The following ATM variants were observed in gnomAD, a reference collection of about 807,000 sequenced individuals.
ATM encodes serine-protein kinase ATM.
A neutral mutation model predicts 387.0 loss-of-function variants in ATM; 308 were observed. That is an observed-to-expected ratio of 0.80 (90% confidence interval 0.73 to 0.87). The LOEUF (loss-of-function observed/expected upper bound fraction) is 0.87. Ranked by LOEUF, ATM falls within the 40% of genes least tolerant of loss-of-function variation. ATM has a pLI of 0.00. For missense variants in ATM, 3,312 were observed against 3,560.9 expected, an observed-to-expected ratio of 0.93 and a Z score of 1.78; for synonymous variants, 1,156 against 1,187.3, an observed-to-expected ratio of 0.97 and a Z score of 0.54.
chr11:108,270,989 C>A, intron 18 of ATM, 75 bp from the exon 19 acceptor site: 1 of 1,280,608 alleles, frequency 7.8e-7, no homozygotes, highest in South Asian at 1.2e-5. Flanking sequence ...CCACTGCACC[C>A]GGCCTATGTT....
intron 9 of ATM, among the ~76,000 whole-genome samples, chr11:108,250,085 G>A (rs115981037): frequency 0.024 from 3,666 of 151,484 alleles, 148 homozygotes; most frequent in African/African-American, 0.083. Context: ...TAGAGGAATC[G>A]TTTGGTGACT....
chr11:108,358,999 G>A (rs1423367401), intron 61 of ATM, among the ~76,000 whole-genome samples: 2 of 151,520 alleles, frequency 1.3e-5, no homozygotes, highest in Non-Finnish European at 2.9e-5. Context: ...ACACAGACTG[G>A]CAAATTGGAT....
chr11:108,251,474 A>G (rs1167539631), intron 10 of ATM, among the ~76,000 whole-genome samples: 2 of 152,322 alleles, frequency 1.3e-5, no homozygotes, highest in South Asian at 2.1e-4. Flanking sequence ...TTGGAAATGT[A>G]CAATAGATTA....
At chr11:108,343,530 T>C (rs1384188698) in intron 57 of ATM, among the ~76,000 whole-genome samples, 159 bp downstream of exon 57, 1 of 152,188 alleles carries the variant, frequency 6.6e-6, no homozygotes, top group Non-Finnish European at 1.5e-5. Context: ...TGAAAGTGTG[T>C]GAGTGAAAAA....
intron 25 of ATM, among the ~76,000 whole-genome samples, chr11:108,283,667 T>C (rs1228388689): frequency 1.3e-5 from 2 of 152,196 alleles, no homozygotes; most frequent in Admixed American, 1.3e-4. Flanking sequence ...TATCTCTGTA[T>C]ATGCGAGGGA....
chr11:108,288,519 T>A (rs958494151), intron 27 of ATM, among the ~76,000 whole-genome samples: 2 of 150,682 alleles, frequency 1.3e-5, no homozygotes, highest in African/African-American at 4.9e-5. Context: ...TTTTTTTTTT[T>A]AATGTGCCCT....
At chr11:108,317,237 C>A in intron 42 of ATM, 136 bp from the exon 43 acceptor site, 1 of 854,976 alleles carries the variant, frequency 1.2e-6, no homozygotes, top group Non-Finnish European at 1.8e-6. Flanking sequence ...CCACACCCAG[C>A]TGATATTTTG....
chr11:108,275,260 A>C (rs1158846522), intron 22 of ATM, among the ~76,000 whole-genome samples: 1 of 152,058 alleles, frequency 6.6e-6, no homozygotes, highest in Non-Finnish European at 1.5e-5. Context: ...GTGTCTTTGC[A>C]TGTGAGATGG....
intron 12 of ATM, among the ~76,000 whole-genome samples, 167 bp downstream of exon 12, chr11:108,253,079 A>G (rs972065447): frequency 6.6e-6 from 1 of 152,162 alleles, no homozygotes; most frequent in Non-Finnish European, 1.5e-5. Context: ...AGTGATTGTA[A>G]TCTATGTTAT....
chr11:108,320,499 A>G (rs952574343), intron 44 of ATM, among the ~76,000 whole-genome samples: 1 of 152,250 alleles, frequency 6.6e-6, no homozygotes, highest in Non-Finnish European at 1.5e-5. Flanking sequence ...TGACTTAATA[A>G]ATCCTATGTT....
At chr11:108,345,112 G>T (rs1053401385) in intron 57 of ATM, among the ~76,000 whole-genome samples, 1 of 152,160 alleles carries the variant, frequency 6.6e-6, no homozygotes, top group African/African-American at 2.4e-5. Flanking sequence ...AAGAATAGAA[G>T]AGGTGACTAA....
intron 31 of ATM, 24 bp downstream of exon 31, chr11:108,293,501 T>C: frequency 6.4e-7 from 1 of 1,568,876 alleles, no homozygotes; most frequent in Non-Finnish European, 8.8e-7. Flanking sequence ...CATCATCTAC[T>C]ATTTTTTATT....
At position 108,332,838 on chromosome 11, in the gene ATM, C is replaced by G. The variant is rs766351395; in HGVS notation, c.7865C>G (p.Ala2622Gly). 3.7e-6 allele frequency: 6 copies of G among 1,613,048 alleles called. No individual in the cohort carries two copies. The highest frequency in any genetic ancestry group is 4.2e-6 in the Non-Finnish European group (5 of 1,179,442). ...RRPQMVRSVE[A>G]LCDAYIILAN... is the part of the protein sequence containing the mutation. The stretch of plus-strand genomic sequence containing the variant: ...CCTCAGATGGTCAGAAGTGTTGAGG[C>G]ACTTTGTGATGCTTATATTATATTA... Residue 2622 changes from alanine to glycine, a missense_variant, in exon 53 of 63, where the codon GCA (alanine) becomes GGA (glycine). Around this residue, in one of 4 missense-constraint regions of ATM, gnomAD observed 1,405 missense variants for 1,604.4 expected, o/e 0.88. Coordinates refer to ENST00000675843, the MANE Select transcript of ATM (RefSeq NM_000051.4).
intron 31 of ATM, among the ~76,000 whole-genome samples, chr11:108,293,894 A>AATATATATATATATATATAT (rs1220002313): frequency 4.8e-5 from 4 of 83,706 alleles, no homozygotes; most frequent in African/African-American, 1.7e-4. Context: ...AAAAAAAAAA[A>AATATATATATATATATATAT]ATATATATAT....
intron 61 of ATM, among the ~76,000 whole-genome samples, chr11:108,356,566 A>G (rs1411351547): frequency 6.6e-6 from 1 of 151,674 alleles, no homozygotes; most frequent in Non-Finnish European, 1.5e-5. Flanking sequence ...AAAAAGCCCA[A>G]ACTTTTCAAA....
chr11:108,338,325 C>G (rs947009539), intron 56 of ATM, among the ~76,000 whole-genome samples: 4 of 152,166 alleles, frequency 2.6e-5, no homozygotes, highest in Non-Finnish European at 5.9e-5. Context: ...GCACTCCAGC[C>G]TGGGTGACAG....
intron 55 of ATM, 124 bp downstream of exon 55, chr11:108,335,233 T>C: frequency 6.4e-7 from 1 of 1,556,542 alleles, no homozygotes; most frequent in East Asian, 2.4e-5. Context: ...TGAGGAAGAT[T>C]TGTAGAGTAG....
intron 5 of ATM, among the ~76,000 whole-genome samples, chr11:108,241,742 C>CTTTTTTTTTTTTTTTTTTT (rs1206745957): frequency 6.6e-5 from 3 of 45,366 alleles, no homozygotes; most frequent in Non-Finnish European, 8.8e-5. Context: ...TTCTTTCTTT[C>CTTTTTTTTTTTTTTTTTTT]TTTTTTTTTT....
intron 58 of ATM, 24 bp from the exon 59 acceptor site, chr11:108,347,255 A>T (rs1565566805): frequency 6.6e-7 from 1 of 1,509,346 alleles, no homozygotes; most frequent in Non-Finnish European, 9.2e-7. Context: ...GTGATTTCAG[A>T]TTGTTTGTTT....
Sources: gnomAD v4.1 joint callset for allele counts (sites outside exome capture counted in the v4.1 genomes callset) on GRCh38, gnomAD v4.1.1 for gene constraint, gnomAD v4.1.1 regional missense constraint, MANE v1.5 for transcripts, NCBI Gene and HGNC (gene_info 2026-07-23, HGNC 2026-07-21) for gene names.